The following KLHL4 variants were observed in gnomAD, a reference collection of about 807,000 sequenced individuals.
KLHL4 encodes the protein kelch like family member 4.
A neutral mutation model predicts 45.8 loss-of-function variants in KLHL4; 17 were observed. The ratio of observed to expected loss-of-function variants is 0.37; its 90% confidence interval spans 0.25 to 0.56. The LOEUF (loss-of-function observed/expected upper bound fraction) is 0.56. Among genes scored for constraint, KLHL4 ranks in the 20% least tolerant of loss-of-function variants. The pLI is 0.79. For missense variants in KLHL4, 544 were observed against 544.9 expected (o/e 1.00, Z 0.02); for synonymous variants, 224 against 189.9 (o/e 1.18, Z -1.47).
At chrX:87,665,266 A>G (rs760380659) in intron 10 of KLHL4, among the ~76,000 whole-genome samples, 23 of 111,872 alleles carry the variant, frequency 2.1e-4, no homozygotes, top group African/African-American at 7.1e-4. Context: ...AATAAAATAA[A>G]GCATTTTACC....
chrX:87,597,161 TA>T (rs1921863988), intron 1 of KLHL4, among the ~76,000 whole-genome samples: 1 of 111,978 alleles, frequency 8.9e-6, no homozygotes, highest in African/African-American at 3.2e-5. Context: ...GAAATTAGTA[TA>T]ATAGAGCTTT....
chrX:87,599,731 A>C (rs898725936), intron 1 of KLHL4, among the ~76,000 whole-genome samples: 4 of 111,323 alleles, frequency 3.6e-5, no homozygotes, highest in Non-Finnish European at 7.5e-5. Flanking sequence ...GCTTTGAATG[A>C]GCATTTTTAG....
chrX:87,652,407 C>T (rs1348460134), intron 9 of KLHL4, among the ~76,000 whole-genome samples: 1 of 112,359 alleles, frequency 8.9e-6, no homozygotes, highest in Non-Finnish European at 1.9e-5. Context: ...AACTTTTATG[C>T]TCTGCTTCCC....
intron 1 of KLHL4, among the ~76,000 whole-genome samples, chrX:87,611,703 C>T (rs375041337): frequency 9.2e-6 from 1 of 108,594 alleles, no homozygotes; most frequent in African/African-American, 3.4e-5. Flanking sequence ...CTATTTTTAC[C>T]ACTATTTTAG....
intron 1 of KLHL4, among the ~76,000 whole-genome samples, chrX:87,557,723 ACGG>A (rs1932009634): frequency 1.4e-5 from 1 of 70,007 alleles, no homozygotes; most frequent in Non-Finnish European, 2.6e-5. Flanking sequence ...TGTGATAGAT[ACGG>A]TTTTAAAAGT....
In KLHL4 at chrX:87,666,628, A is replaced by T. The variant is rs1924378363; in HGVS notation, c.*94A>T. The T allele has an allele frequency of 9.8e-7, 1 of 1,015,897 alleles. No homozygotes were observed. The allele number at this position is 1,015,897 out of a possible 1,213,427, so 83.7% of individuals were successfully genotyped here. The stretch of plus-strand genomic sequence containing the variant: ...AAGAAATACATGTTCTTTTTCCTGC[A>T]ATTAATAATCAGACTGGAAAATTGT... On this transcript the variant is annotated 3_prime_UTR_variant, in exon 11 of 11. Transcript: ENST00000373119.
intron 1 of KLHL4, among the ~76,000 whole-genome samples, chrX:87,538,485 C>A (rs1232097257): frequency 9.0e-6 from 1 of 111,004 alleles, no homozygotes; most frequent in Non-Finnish European, 1.9e-5. Flanking sequence ...CAGAAATATC[C>A]TTGGAAAAAG....
chrX:87,640,106 T>C (rs1923403620), intron 9 of KLHL4, among the ~76,000 whole-genome samples: 2 of 110,807 alleles, frequency 1.8e-5, no homozygotes, highest in African/African-American at 6.6e-5. Flanking sequence ...GATGGATAAA[T>C]TCCTAGAAAT....
intron 6 of KLHL4, among the ~76,000 whole-genome samples, chrX:87,628,395 G>GA (rs1186034814): frequency 9.1e-6 from 1 of 110,012 alleles, no homozygotes; most frequent in Non-Finnish European, 1.9e-5. Context: ...GCAAAAAAAA[G>GA]AAAAAAGAGA....
intron 9 of KLHL4, among the ~76,000 whole-genome samples, chrX:87,639,007 T>G (rs1569359484): frequency 9.1e-6 from 1 of 110,005 alleles, no homozygotes; most frequent in Non-Finnish European, 1.9e-5. Flanking sequence ...AAAAAGATAG[T>G]CCGTGAAAAT....
chrX:87,645,748 C>A (rs184964702), intron 9 of KLHL4, among the ~76,000 whole-genome samples: 15 of 111,464 alleles, frequency 1.3e-4, no homozygotes, highest in African/African-American at 4.9e-4. Flanking sequence ...ACAGCATTTG[C>A]AGCAACCTGG....
rs1217349188 is a variant in KLHL4, at chrX:87,518,210, C to T, written c.317C>T (p.Thr106Ile). 4 of 1,210,984 alleles carry T rather than the reference C, an allele frequency of 3.3e-6. No homozygotes were observed. The highest frequency in any genetic ancestry group is 3.4e-6 in the Non-Finnish European group (3 of 894,754). Residue 106 changes from threonine (T) to isoleucine (I), a missense_variant, in exon 1 of 11, where the codon ACT (threonine) becomes ATT (isoleucine). Physicochemically the swap from Thr to Ile is moderately conservative, Grantham distance 89. Transcript: ENST00000373119. ...GTACATTTTCAAGCAAATGAAGATA[C>T]TCCTAAATCAGTTCCAGAGAAGAAT... is the stretch of plus-strand genomic sequence containing the variant. ...LIVHFQANED[T>I]PKSVPEKNLF...
At chrX:87,584,116 T>C (rs1242016125) in intron 1 of KLHL4, among the ~76,000 whole-genome samples, 1 of 112,109 alleles carries the variant, frequency 8.9e-6, no homozygotes. Flanking sequence ...ATCAAGGCAG[T>C]ACCTCTATGA....
At position 87,635,581 on chromosome X, in the gene KLHL4, A is replaced by T. The variant is rs1212157881; in HGVS notation, c.1731A>T (p.Gly577=). The part of the protein sequence containing the change: ...ALNNKLYAIG[G]RDGSSCLKSM... ...TATCTAGATTATATGCTATTGGTGGACGTGATGGAAGTTCCTGCCTCAAAT... is the reference window on the plus strand; with the variant it reads ...TATCTAGATTATATGCTATTGGTGGTCGTGATGGAAGTTCCTGCCTCAAAT... Residue 577 remains glycine, a synonymous_variant, in exon 9 of 11, where the codon GGA becomes GGT. Coordinates refer to ENST00000373119, the MANE Select transcript of KLHL4 (RefSeq NM_019117.5). 8.3e-7 allele frequency: 1 copy of T among 1,209,086 alleles called. No homozygotes were observed. Among genetic ancestry groups the T allele is most frequent in the Admixed American group, 2.2e-5 (1 of 46,015 alleles).
In KLHL4 at chrX:87,669,218, A is replaced by G; in HGVS notation, c.*2684A>G. 3 of 1,109,341 alleles carry G rather than the reference A, an allele frequency of 2.7e-6. No individual in the cohort carries two copies. The highest frequency in any genetic ancestry group is 1.2e-6 in the Non-Finnish European group (1 of 841,849). 91.4% of individuals were successfully genotyped at this position (1,109,341 alleles called of 1,213,427 possible). ...ATCTGAAAGACAATGTTGCTTCTTGATTTTTTTCTATAATCACTATGACCG... is the reference window on the plus strand; with the variant it reads ...ATCTGAAAGACAATGTTGCTTCTTGGTTTTTTTCTATAATCACTATGACCG... On this transcript the variant is annotated 3_prime_UTR_variant, in exon 11 of 11. Transcript: ENST00000373119.
At chrX:87,543,637 A>G (rs1394079680) in intron 1 of KLHL4, among the ~76,000 whole-genome samples, 2 of 111,174 alleles carry the variant, frequency 1.8e-5, no homozygotes, top group African/African-American at 6.6e-5. Flanking sequence ...AACTCAGCTG[A>G]TGCCCACCCA....
chrX:87,649,936 T>C (rs1240539144), intron 9 of KLHL4, among the ~76,000 whole-genome samples: 1 of 111,434 alleles, frequency 9.0e-6, no homozygotes, highest in Non-Finnish European at 1.9e-5. Context: ...AACTTCTTAA[T>C]CAGGGAAGCA....
chrX:87,518,991 G>A (rs1930947753), intron 1 of KLHL4, among the ~76,000 whole-genome samples: 1 of 111,653 alleles, frequency 9.0e-6, no homozygotes, highest in Admixed American at 9.6e-5. Flanking sequence ...AAACAGTGAC[G>A]ATATAGTGTA....
intron 1 of KLHL4, among the ~76,000 whole-genome samples, chrX:87,595,259 T>G (rs1182529015): frequency 1.8e-5 from 2 of 111,132 alleles, no homozygotes; most frequent in Non-Finnish European, 3.8e-5. Context: ...AGTGCTAAAC[T>G]CATTTCCGTT....
Sources: gnomAD v4.1 joint callset for allele counts (sites outside exome capture counted in the v4.1 genomes callset) on GRCh38, gnomAD v4.1.1 for gene constraint, MANE v1.5 for transcripts, NCBI Gene and HGNC (gene_info 2026-07-23, HGNC 2026-07-21) for gene names.